Variants in NLGN1 observed in about 807,000 individuals in gnomAD.
The protein encoded by NLGN1 is neuroligin 1.
A neutral mutation model predicts 65.5 loss-of-function variants in NLGN1; 12 were observed. That is an observed-to-expected ratio of 0.18 (90% CI 0.12 to 0.30). The LOEUF is 0.30. Among genes scored for constraint, NLGN1 ranks in the 10% least tolerant of loss-of-function variants. The pLI is 1.00. For synonymous variants in NLGN1, 350 were observed against 359.5 expected (o/e 0.97, Z 0.30); for missense variants, 750 against 1,007.1 (o/e 0.74, Z 3.46).
intron 2 of NLGN1, among the ~76,000 whole-genome samples, chr3:173,577,688 T>C (rs1485522385): frequency 6.6e-6 from 1 of 152,206 alleles, no homozygotes; most frequent in Non-Finnish European, 1.5e-5. Flanking sequence ...TGCTTGTTTC[T>C]AGGTCATCAG....
intron 2 of NLGN1, among the ~76,000 whole-genome samples, chr3:173,572,197 TGAC>T (rs1744764353): frequency 6.6e-6 from 1 of 152,214 alleles, no homozygotes; most frequent in Admixed American, 6.5e-5. Context: ...TTTGAAAGTG[TGAC>T]CTAGCCCCAG....
chr3:173,901,364 T>TGG (rs1491107100), intron 4 of NLGN1, among the ~76,000 whole-genome samples: 5 of 133,658 alleles, frequency 3.7e-5, no homozygotes, highest in African/African-American at 1.4e-4. Flanking sequence ...GTATTTTTTT[T>TGG]GGGGGGGTGT....
chr3:173,923,146 G>A (rs190532157), intron 4 of NLGN1, among the ~76,000 whole-genome samples: 1 of 151,910 alleles, frequency 6.6e-6, no homozygotes, highest in East Asian at 1.9e-4. Flanking sequence ...ATATTTTTAA[G>A]TCTATGAGTC....
intron 4 of NLGN1, among the ~76,000 whole-genome samples, chr3:174,228,806 A>G (rs577010477): frequency 1.3e-5 from 2 of 152,210 alleles, no homozygotes; most frequent in East Asian, 3.9e-4. Flanking sequence ...CTATTCTATT[A>G]GGTTTCTGTG....
At chr3:173,481,894 A>G (rs1449280138) in intron 2 of NLGN1, among the ~76,000 whole-genome samples, 1 of 152,006 alleles carries the variant, frequency 6.6e-6, no homozygotes, top group Non-Finnish European at 1.5e-5. Flanking sequence ...GTAAGTGACA[A>G]AATTATATTT....
chr3:174,184,244 A>G (rs1294348733), intron 4 of NLGN1, among the ~76,000 whole-genome samples: 1 of 152,148 alleles, frequency 6.6e-6, no homozygotes, highest in Non-Finnish European at 1.5e-5. Context: ...CAGAAATCTC[A>G]CATTCTTAAT....
intron 2 of NLGN1, among the ~76,000 whole-genome samples, chr3:173,566,816 CT>C (rs1328124475): frequency 1.3e-5 from 2 of 152,026 alleles, no homozygotes; most frequent in Non-Finnish European, 2.9e-5. Flanking sequence ...GGTAGACTAC[CT>C]TTACATAGTA....
intron 3 of NLGN1, among the ~76,000 whole-genome samples, chr3:173,686,427 A>T (rs1266954469): frequency 1.3e-5 from 2 of 152,076 alleles, no homozygotes; most frequent in Non-Finnish European, 2.9e-5. Context: ...GAATTACTGT[A>T]TCAAAGTTTT....
chr3:173,738,592 T>C (rs1018039632), intron 3 of NLGN1, among the ~76,000 whole-genome samples: 3 of 152,132 alleles, frequency 2.0e-5, no homozygotes, highest in African/African-American at 7.2e-5. Flanking sequence ...TTCTATTCCA[T>C]TGATTTATAT....
chr3:174,142,049 T>C (rs549313527), intron 4 of NLGN1, among the ~76,000 whole-genome samples: 53 of 152,306 alleles, frequency 3.5e-4, no homozygotes, highest in Non-Finnish European at 6.3e-4. Context: ...CCCTCACCTC[T>C]AGAAGTTGCC....
intron 4 of NLGN1, among the ~76,000 whole-genome samples, chr3:174,065,315 CAGAGAG>C (rs1161961263): frequency 6.6e-6 from 1 of 151,720 alleles, no homozygotes; most frequent in Non-Finnish European, 1.5e-5. Context: ...AACAGAGAGA[CAGAGAG>C]AAAGAGACAG....
chr3:174,226,751 A>AT (rs1026292020), intron 4 of NLGN1, among the ~76,000 whole-genome samples: 4 of 151,796 alleles, frequency 2.6e-5, no homozygotes, highest in Admixed American at 2.0e-4. Flanking sequence ...ATAACACTAA[A>AT]TTTTTTTTAA....
chr3:173,869,895 A>G (rs912174786), intron 4 of NLGN1, among the ~76,000 whole-genome samples: 3 of 152,188 alleles, frequency 2.0e-5, no homozygotes, highest in African/African-American at 7.2e-5. Context: ...TGTATCAAGT[A>G]TTCCAGCAGG....
At chr3:174,235,422 A>G (rs557373496) in intron 4 of NLGN1, among the ~76,000 whole-genome samples, 6 of 152,104 alleles carry the variant, frequency 3.9e-5, no homozygotes, top group African/African-American at 1.2e-4. Context: ...TTCTTAATAC[A>G]GTTGCTTGTT....
chr3:173,538,361 G>C (rs1476041169), intron 2 of NLGN1, among the ~76,000 whole-genome samples: 1 of 152,180 alleles, frequency 6.6e-6, no homozygotes, highest in African/African-American at 2.4e-5. Flanking sequence ...TTGAGCATGG[G>C]CTCACTGCTG....
chr3:174,070,231 C>T (rs1455213438), intron 4 of NLGN1, among the ~76,000 whole-genome samples: 2 of 152,092 alleles, frequency 1.3e-5, no homozygotes, highest in South Asian at 2.1e-4. Flanking sequence ...TCCTACCTCA[C>T]ATTTTTCTAT....
At chr3:173,587,623 C>G (rs1747726345) in intron 2 of NLGN1, among the ~76,000 whole-genome samples, 1 of 152,082 alleles carries the variant, frequency 6.6e-6, no homozygotes. Flanking sequence ...ACATGGTAGC[C>G]TTGATGAGTT....
At chr3:174,197,751 C>CGTGTGTGTGT (rs71162378) in intron 4 of NLGN1, among the ~76,000 whole-genome samples, 37,729 of 140,940 alleles carry the variant, frequency 0.27, 5,692 homozygotes, top group Non-Finnish European at 0.34. Flanking sequence ...CCCATTATCT[C>CGTGTGTGTGT]GTGTGTGTGT....
intron 3 of NLGN1, among the ~76,000 whole-genome samples, chr3:173,780,335 C>T (rs551855067): frequency 2.4e-4 from 36 of 152,206 alleles, no homozygotes; most frequent in African/African-American, 7.0e-4. Flanking sequence ...TACATGTATA[C>T]GCTCAGTGGG....
Sources: allele counts gnomAD v4.1 joint callset (sites outside exome capture counted in the v4.1 genomes callset), GRCh38; gene constraint gnomAD v4.1.1; transcripts MANE v1.5; gene names NCBI Gene and HGNC (gene_info 2026-07-23, HGNC 2026-07-21).